The following TRMT11 variants were observed in gnomAD, a reference collection of about 807,000 sequenced individuals.
TRMT11 encodes the protein tRNA (guanine(10)-N(2))-methyltransferase TRMT11.
TRMT11 carries 53 observed loss-of-function variants against 62.8 expected under a neutral mutation model. The ratio of observed to expected loss-of-function variants is 0.84; its 90% CI spans 0.68 to 1.06. The LOEUF is 1.06. Ranked by LOEUF, TRMT11 falls within the 50% of genes least tolerant of loss-of-function variation. TRMT11 has a pLI of 0.00. For missense variants in TRMT11, 556 were observed against 553.4 expected, an observed-to-expected ratio of 1.00 and a Z score of -0.05; for synonymous variants, 188 against 190.3, an observed-to-expected ratio of 0.99 and a Z score of 0.10.
intron 17 of TRMT11, among the ~76,000 whole-genome samples, chr6:126,066,015 T>A (rs992318176): frequency 6.6e-6 from 1 of 152,218 alleles, no homozygotes; most frequent in African/African-American, 2.4e-5. Context: ...GCTATTTACA[T>A]TTGCATGGGA....
chr6:126,223,196 TG>T, the TRMT11 span, among the ~76,000 whole-genome samples: 1 of 152,078 alleles, frequency 6.6e-6, no homozygotes, highest in Non-Finnish European at 1.5e-5. Context: ...CCGAAGCAGG[TG>T]GATCACAAGG....
At chr6:126,151,179 A>T (rs1778033879) in intron 21 of TRMT11, among the ~76,000 whole-genome samples, 1 of 152,166 alleles carries the variant, frequency 6.6e-6, no homozygotes, top group African/African-American at 2.4e-5. Context: ...TATATTGTAA[A>T]TGTATGTAAA....
the TRMT11 span, among the ~76,000 whole-genome samples, chr6:126,240,152 A>T: frequency 6.6e-6 from 1 of 152,112 alleles, no homozygotes; most frequent in Non-Finnish European, 1.5e-5. Context: ...CCGTGGGTTC[A>T]AACTTCCTCC....
Position 125,986,604 on chromosome 6 carries a change from T to A in TRMT11, c.54T>A (p.His18Gln), listed in dbSNP as rs1459559840. Reference protein sequence around the residue: ...NRYLLLMAQEHLEFRLPEIKS... With the variant: ...NRYLLLMAQEQLEFRLPEIKS... Reference sequence around the variant, plus strand: ...ATCTGCTCCTCATGGCGCAGGAGCATCTGGAGTTCCGCCTGCCGGTGAGTC... The same window carrying A: ...ATCTGCTCCTCATGGCGCAGGAGCAACTGGAGTTCCGCCTGCCGGTGAGTC... Residue 18 changes from histidine to glutamine, a missense_variant, in exon 1 of 13, where the codon CAT becomes CAA. His to Gln is a conservative substitution (Grantham distance 24). Coordinates refer to ENST00000334379, the MANE Select transcript of TRMT11 (RefSeq NM_001031712.3). The A allele has an allele frequency of 6.3e-7, 1 of 1,581,754 alleles. No homozygotes were observed. Among genetic ancestry groups the A allele is most frequent in the South Asian group, 1.2e-5 (1 of 86,538 alleles).
intron 21 of TRMT11, among the ~76,000 whole-genome samples, chr6:126,151,378 G>T (rs1778035587): frequency 6.6e-6 from 1 of 152,046 alleles, no homozygotes; most frequent in African/African-American, 2.4e-5. Context: ...TAGTTATTTG[G>T]CTTCAATATT....
chr6:126,129,306 T>C (rs1279980523), intron 21 of TRMT11, among the ~76,000 whole-genome samples: 1 of 152,078 alleles, frequency 6.6e-6, no homozygotes, highest in East Asian at 1.9e-4. Context: ...CTTTTTAGTG[T>C]TGTGATTAGG....
At chr6:126,043,824 A>G (rs1264521522), downstream of TRMT11, among the ~76,000 whole-genome samples, 1 of 151,298 alleles carries the variant, frequency 6.6e-6, no homozygotes, top group Admixed American at 6.6e-5. Context: ...GCATTTTTTC[A>G]TGTGTCTTTT....
intron 1 of TRMT11, among the ~76,000 whole-genome samples, chr6:125,992,972 T>G (rs567060138): frequency 6.6e-6 from 1 of 152,320 alleles, no homozygotes; most frequent in African/African-American, 2.4e-5. Context: ...CTTCCTGGTC[T>G]GGGTATAGTT....
chr6:126,209,748 AAAC>A, the TRMT11 span, among the ~76,000 whole-genome samples: 89 of 152,116 alleles, frequency 5.9e-4, 3 homozygotes, highest in South Asian at 5.6e-3. Context: ...AACAAAAACA[AAAC>A]AACAACAACA....
intron 21 of TRMT11, among the ~76,000 whole-genome samples, chr6:126,121,026 G>A (rs530523551): frequency 9.2e-5 from 14 of 152,128 alleles, no homozygotes; most frequent in African/African-American, 2.6e-4. Flanking sequence ...TTAGGCCCAC[G>A]TTAGGTAATA....
chr6:126,178,800 T>C (rs1778421175), intron 1 of TRMT11, among the ~76,000 whole-genome samples: 1 of 152,112 alleles, frequency 6.6e-6, no homozygotes. Flanking sequence ...TGGGATCTAG[T>C]CAGGGAAGCG....
intron 11 of TRMT11, among the ~76,000 whole-genome samples, chr6:126,019,921 C>T (rs1033110795): frequency 2.6e-5 from 4 of 152,086 alleles, no homozygotes; most frequent in South Asian, 2.1e-4. Flanking sequence ...CTGAAGTGCT[C>T]ATTACTTGTT....
At chr6:126,012,881 C>G (rs745737898) in intron 10 of TRMT11, 29 bp downstream of exon 10, 1 of 1,608,998 alleles carries the variant, frequency 6.2e-7, no homozygotes, top group African/African-American at 1.3e-5. Context: ...TGATGTGTTA[C>G]TACCTTGAGA....
chr6:126,065,163 C>A (rs1776652480), intron 17 of TRMT11, among the ~76,000 whole-genome samples: 1 of 152,084 alleles, frequency 6.6e-6, no homozygotes, highest in South Asian at 2.1e-4. Flanking sequence ...GAATATGAAA[C>A]TTTTTCTTTT....
rs1247768004 is a variant in TRMT11 at position 126,038,962 on chromosome 6, A to G, written c.*126A>G. The G allele has an allele frequency of 7.6e-6, 6 of 790,128 alleles. No individual in the cohort carries two copies. The highest frequency in any genetic ancestry group is 1.1e-5 in the Non-Finnish European group (6 of 528,046). 48.9% of individuals were successfully genotyped at this position (790,128 alleles called of 1,614,324 possible). The stretch of plus-strand genomic sequence containing the variant: ...AAATATTTTATATAGAAAAGCTACA[A>G]AGTAAATTGAGCAATGCTTTTAAAG... On this transcript the variant is annotated 3_prime_UTR_variant, in exon 13 of 13. Transcript: ENST00000334379.
intron 7 of TRMT11, among the ~76,000 whole-genome samples, chr6:126,003,097 A>G (rs900156436): frequency 6.6e-6 from 1 of 152,098 alleles, no homozygotes; most frequent in African/African-American, 2.4e-5. Flanking sequence ...TTTTACAGTT[A>G]CAAATAATGC....
At chr6:126,209,792 T>A in the TRMT11 span, among the ~76,000 whole-genome samples, 2 of 152,132 alleles carry the variant, frequency 1.3e-5, no homozygotes, top group Non-Finnish European at 2.9e-5. Context: ...TACTTTGGTG[T>A]ATTATAATTA....
downstream of TRMT11, among the ~76,000 whole-genome samples, chr6:126,204,164 T>C (rs1361108557): frequency 6.6e-6 from 1 of 152,246 alleles, no homozygotes; most frequent in Non-Finnish European, 1.5e-5. Flanking sequence ...TGGGATGTTA[T>C]TTTCTTCCCA....
downstream of TRMT11, among the ~76,000 whole-genome samples, chr6:126,207,361 A>G (rs544894121): frequency 3.9e-5 from 6 of 152,218 alleles, no homozygotes; most frequent in Non-Finnish European, 8.8e-5. Context: ...GTGGGAGAGA[A>G]TAAGACTACT....
Sources: gnomAD v4.1 joint callset for allele counts (sites outside exome capture counted in the v4.1 genomes callset) on GRCh38, gnomAD v4.1.1 for gene constraint, MANE v1.5 for transcripts, NCBI Gene and HGNC (gene_info 2026-07-23, HGNC 2026-07-21) for gene names.